PHACTR3: variants seen among roughly 807,000 people sequenced by gnomAD.
The protein encoded by PHACTR3 is phosphatase and actin regulator 3, also known as protein phosphatase 1, regulatory subunit 123.
PHACTR3 carries 16 observed loss-of-function variants against 66.8 expected under a neutral mutation model. The ratio of observed to expected loss-of-function variants is 0.24; its 90% CI spans 0.16 to 0.36. The LOEUF (loss-of-function observed/expected upper bound fraction) is 0.36, where lower values mean the gene tolerates loss of function less well. PHACTR3 is among the 10% of genes least tolerant of loss of function. The probability of loss-of-function intolerance (pLI) is 1.00; values close to 1 mark genes in which losing one functional copy is unlikely to be tolerated. For missense variants in PHACTR3, 647 were observed against 719.9 expected, an observed-to-expected ratio of 0.90 and a Z score of 1.16; for synonymous variants, 323 against 292.1, an observed-to-expected ratio of 1.11 and a Z score of -1.08.
chr20:59,819,837 C>G (rs1328770004), intron 8 of PHACTR3, among the ~76,000 whole-genome samples: 1 of 152,012 alleles, frequency 6.6e-6, no homozygotes, highest in Non-Finnish European at 1.5e-5. Context: ...TCAACTGAGG[C>G]ACCTGGTTGG....
chr20:59,689,091 C>T lies in PHACTR3; in HGVS notation c.119-54016C>T, dbSNP rs909519693. Among the ~76,000 whole-genome samples, 7 of 152,278 alleles carry T rather than the reference C, an allele frequency of 4.6e-5. No individual in the cohort carries two copies. The East Asian group carries it at 5.8e-4, about 13-fold the overall frequency. ...ACTATCTCATGGGTATTTTTAAATG[C>T]GTGTCTTAAGAGCCAACTTCTCTGC... On this transcript the variant is annotated intron_variant, in intron 1 of 12. Coordinates refer to ENST00000371015, the MANE Select transcript of PHACTR3 (RefSeq NM_080672.5).
rs764955823 is a variant in PHACTR3 at position 59,806,209 on chromosome 20, G to A, written c.1328+15G>A. 5.0e-6 allele frequency: 8 copies of A among 1,612,666 alleles called. No homozygotes were observed. In the Admixed American group the frequency reaches 1.3e-4, roughly 27 times the overall value. On this transcript the variant is annotated intron_variant, in intron 8 of 12. Transcript: ENST00000371015. ...AAGCTTTCCAAGTAAGTGGCAGCTT[G>A]CGGGCACAGCCGGGCCTGTGCTCTG... is the stretch of plus-strand genomic sequence containing the variant.
intron 1 of PHACTR3, among the ~76,000 whole-genome samples, chr20:59,678,694 A>G (rs1212364375): frequency 6.6e-6 from 1 of 152,198 alleles, no homozygotes; most frequent in Non-Finnish European, 1.5e-5. Context: ...AGCATATTAT[A>G]TCATTATTAT....
chr20:59,718,920 G>A (rs925317794), intron 1 of PHACTR3, among the ~76,000 whole-genome samples: 9 of 152,234 alleles, frequency 5.9e-5, no homozygotes, highest in African/African-American at 2.2e-4. Flanking sequence ...ACCAGAAAGC[G>A]TCTCTGCTCC....
At chr20:59,683,507 A>G (rs2036740525) in intron 1 of PHACTR3, among the ~76,000 whole-genome samples, 1 of 149,456 alleles carries the variant, frequency 6.7e-6, no homozygotes, top group Non-Finnish European at 1.5e-5. Context: ...TTTCAAATTT[A>G]AACTCATTTT....
chr20:59,671,809 A>G (rs1457796987), intron 1 of PHACTR3, among the ~76,000 whole-genome samples: 1 of 152,234 alleles, frequency 6.6e-6, no homozygotes, highest in African/African-American at 2.4e-5. Context: ...TCCAGGCAGG[A>G]CCTGCCTTCT....
intron 1 of PHACTR3, among the ~76,000 whole-genome samples, chr20:59,694,089 T>C (rs576512676): frequency 5.9e-5 from 9 of 152,342 alleles, no homozygotes; most frequent in African/African-American, 2.2e-4. Flanking sequence ...TGACTGGCCC[T>C]GTATTTTATG....
Position 59,847,180 on chromosome 20 carries a change from G to GAACA in PHACTR3, c.*51_*54dup, listed in dbSNP as rs1416696356. The GAACA allele has an allele frequency of 6.5e-6, 9 of 1,385,908 alleles. No homozygotes were observed. Among genetic ancestry groups the GAACA allele is most frequent in the Non-Finnish European group, 9.2e-6 (9 of 983,602 alleles). The allele number at this position is 1,385,908 out of a possible 1,614,324, so 85.9% of individuals were successfully genotyped here. A position where few individuals can be genotyped will look rare whatever the true frequency, so the allele number is the denominator to read the frequency against. The stretch of plus-strand genomic sequence containing the variant: ...TGTTTAATTTTTTGATACCAACACT[G>GAACA]AACATTCATCAGGGAACTTTCCTGA... On this transcript the variant is annotated 3_prime_UTR_variant, in exon 13 of 13. Coordinates refer to ENST00000371015, the MANE Select transcript of PHACTR3 (RefSeq NM_080672.5).
chr20:59,583,189 G>A (rs976009243), intron 1 of PHACTR3, among the ~76,000 whole-genome samples: 1 of 152,192 alleles, frequency 6.6e-6, no homozygotes, highest in Non-Finnish European at 1.5e-5. Context: ...AGAACAGTAT[G>A]AGGTAGAATG....
At chr20:59,688,211 T>C (rs2036970978) in intron 1 of PHACTR3, among the ~76,000 whole-genome samples, 1 of 152,234 alleles carries the variant, frequency 6.6e-6, no homozygotes, top group African/African-American at 2.4e-5. Flanking sequence ...TAAAACATAG[T>C]GTACATTATC....
intron 7 of PHACTR3, among the ~76,000 whole-genome samples, chr20:59,802,715 C>A (rs925139744): frequency 6.6e-6 from 1 of 152,220 alleles, no homozygotes; most frequent in South Asian, 2.1e-4. Flanking sequence ...AAGGAGCCGG[C>A]ATTTGCCCAT....
At chr20:59,677,141 A>C (rs1218334268) in intron 1 of PHACTR3, among the ~76,000 whole-genome samples, 1 of 152,180 alleles carries the variant, frequency 6.6e-6, no homozygotes, top group Non-Finnish European at 1.5e-5. Flanking sequence ...TGTAGATTGT[A>C]AGATCGTTTC....
At chr20:59,723,042 CTTTT>C (rs1568746738) in intron 1 of PHACTR3, among the ~76,000 whole-genome samples, 15 of 150,160 alleles carry the variant, frequency 1.0e-4, no homozygotes, top group African/African-American at 3.4e-4. Context: ...ATTTATTTCT[CTTTT>C]TCTTTCTTTC....
At chr20:59,634,458 G>C (rs918119806) in intron 1 of PHACTR3, among the ~76,000 whole-genome samples, 3 of 152,194 alleles carry the variant, frequency 2.0e-5, no homozygotes, top group Admixed American at 6.5e-5. Context: ...AGTGTTGGCC[G>C]TGAACGGTGG....
intron 1 of PHACTR3, among the ~76,000 whole-genome samples, chr20:59,717,050 T>A (rs2038121082): frequency 6.6e-6 from 1 of 152,250 alleles, no homozygotes; most frequent in Non-Finnish European, 1.5e-5. Flanking sequence ...AAATTTATTA[T>A]GCTCATAAAC....
intron 1 of PHACTR3, among the ~76,000 whole-genome samples, chr20:59,583,071 G>A (rs1017017204): frequency 6.6e-6 from 1 of 152,118 alleles, no homozygotes; most frequent in Non-Finnish European, 1.5e-5. Context: ...CTCAGCCGGG[G>A]GCATACCAGG....
At chr20:59,593,307 T>C (rs2033238686) in intron 1 of PHACTR3, among the ~76,000 whole-genome samples, 1 of 152,242 alleles carries the variant, frequency 6.6e-6, no homozygotes, top group Admixed American at 6.5e-5. Context: ...GTTATTTTGA[T>C]GGGTGATCTA....
intron 1 of PHACTR3, among the ~76,000 whole-genome samples, chr20:59,716,488 G>A (rs2038096306): frequency 6.6e-6 from 1 of 151,990 alleles, no homozygotes; most frequent in Non-Finnish European, 1.5e-5. Context: ...CCCAACCTCA[G>A]ATGATTCACA....
intron 7 of PHACTR3, among the ~76,000 whole-genome samples, chr20:59,782,008 A>G (rs1290308355): frequency 6.6e-6 from 1 of 152,144 alleles, no homozygotes; most frequent in East Asian, 1.9e-4. Flanking sequence ...CAAGTACTAT[A>G]TGTCCCAATC....
Sources: gnomAD v4.1 joint callset for allele counts (sites outside exome capture counted in the v4.1 genomes callset) on GRCh38, gnomAD v4.1.1 for gene constraint, MANE v1.5 for transcripts, NCBI Gene and HGNC (gene_info 2026-07-23, HGNC 2026-07-21) for gene names.